Variants in NBEA observed in about 807,000 individuals in gnomAD.
NBEA encodes lysosomal-trafficking regulator 2.
NBEA carries 44 observed loss-of-function variants against 343.4 expected under a neutral mutation model. That is an observed-to-expected ratio of 0.13 (90% CI 0.10 to 0.16). The LOEUF is 0.16. Among genes scored for constraint, NBEA ranks in the 10% least tolerant of loss-of-function variants. The probability of loss-of-function intolerance (pLI) is 1.00; values close to 1 mark genes in which losing one functional copy is unlikely to be tolerated. For synonymous variants in NBEA, 1,175 were observed against 1,238.7 expected (o/e 0.95, Z 1.08); for missense variants, 2,555 against 3,631.3 (o/e 0.70, Z 7.62).
At chr13:34,961,059 A>G (rs1780302059) in intron 1 of NBEA, among the ~76,000 whole-genome samples, 1 of 152,128 alleles carries the variant, frequency 6.6e-6, no homozygotes, top group Non-Finnish European at 1.5e-5. Context: ...CATTTACAAC[A>G]GAGATTTGAA....
At chr13:35,358,885 C>T (rs1359890455) in intron 38 of NBEA, among the ~76,000 whole-genome samples, 7 of 152,136 alleles carry the variant, frequency 4.6e-5, no homozygotes, top group East Asian at 1.9e-4. Flanking sequence ...AGATGAGTAG[C>T]GCGTCTTTAG....
At chr13:35,290,290 A>T in intron 34 of NBEA, 99 bp from the exon 35 acceptor site, 1 of 743,432 alleles carries the variant, frequency 1.3e-6, no homozygotes, top group Admixed American at 2.3e-5. Flanking sequence ...TATTTAAAAG[A>T]AAGTTTTTTT....
At chr13:35,422,446 GTT>G (rs2044351501) in intron 38 of NBEA, among the ~76,000 whole-genome samples, 1 of 151,980 alleles carries the variant, frequency 6.6e-6, no homozygotes, top group African/African-American at 2.4e-5. Context: ...ATGGTTTCCA[GTT>G]TCATCCATGT....
chr13:35,374,479 T>C (rs190449723), intron 38 of NBEA, among the ~76,000 whole-genome samples: 146 of 152,308 alleles, frequency 9.6e-4, no homozygotes, highest in African/African-American at 3.4e-3. Flanking sequence ...AGTTGCTTGA[T>C]ACAGGGTTGT....
At chr13:35,124,884 A>G (rs1203388394) in intron 17 of NBEA, among the ~76,000 whole-genome samples, 1 of 152,010 alleles carries the variant, frequency 6.6e-6, no homozygotes, top group Non-Finnish European at 1.5e-5. Context: ...GCTGGGAGTG[A>G]AGAAGCATAT....
chr13:34,943,153 C>A, intron 1 of NBEA, 39 bp downstream of exon 1: 1 of 1,605,148 alleles, frequency 6.2e-7, no homozygotes, highest in East Asian at 2.3e-5. Flanking sequence ...TTCCCCAGTC[C>A]CCACATACAC....
intron 55 of NBEA, among the ~76,000 whole-genome samples, chr13:35,659,913 C>G (rs763760437): frequency 1.6e-4 from 24 of 152,096 alleles, no homozygotes; most frequent in South Asian, 2.1e-4. Context: ...AATTAATTTG[C>G]GCACTTTAAT....
chr13:35,169,059 G>A, intron 25 of NBEA, 64 bp downstream of exon 25: 6 of 1,287,464 alleles, frequency 4.7e-6, no homozygotes, highest in Non-Finnish European at 5.2e-6. Flanking sequence ...ACTTATTTAT[G>A]AAATTTTTGA....
Position 35,559,079 on chromosome 13 carries a change from C to T in NBEA, c.6922+3977C>T, listed in dbSNP as rs1477494822. On this transcript the variant is annotated intron_variant, in intron 44 of 58. Coordinates refer to ENST00000379939, the MANE Select transcript of NBEA (RefSeq NM_001385012.1). The stretch of plus-strand genomic sequence containing the variant: ...AATTTAATTCTTCCTTTGCTATCAT[C>T]CTGAAATTTTAAATAGGAGTGCCAG... 2.0e-5 allele frequency among the ~76,000 whole-genome samples: 3 copies of T among 152,156 alleles called. No homozygotes were observed. In the East Asian group the frequency reaches 5.8e-4, roughly 29 times the overall value.
chr13:35,647,836 A>G (rs1049092320), intron 51 of NBEA, among the ~76,000 whole-genome samples: 2 of 152,220 alleles, frequency 1.3e-5, no homozygotes, highest in Admixed American at 6.5e-5. Flanking sequence ...AAGTGCTGGG[A>G]TTACAGGTGT....
intron 38 of NBEA, among the ~76,000 whole-genome samples, chr13:35,355,961 A>G (rs373502293): frequency 2.6e-5 from 4 of 151,778 alleles, no homozygotes; most frequent in Admixed American, 2.6e-4. Flanking sequence ...TATTATTTTT[A>G]TTGTTTTGTT....
chr13:35,022,851 A>T (rs948111393), intron 1 of NBEA, among the ~76,000 whole-genome samples: 2 of 152,176 alleles, frequency 1.3e-5, no homozygotes, highest in African/African-American at 4.8e-5. Context: ...TAAATTACTC[A>T]GCATGTGATA....
intron 17 of NBEA, among the ~76,000 whole-genome samples, chr13:35,130,197 A>G (rs1244640175): frequency 1.3e-5 from 2 of 152,152 alleles, no homozygotes; most frequent in East Asian, 1.9e-4. Context: ...ATTCTGCTCA[A>G]TTTTACTGAG....
intron 40 of NBEA, among the ~76,000 whole-genome samples, chr13:35,468,101 G>GATTC (rs56137200): frequency 7.6e-6 from 1 of 131,702 alleles, no homozygotes; most frequent in African/African-American, 2.9e-5. Flanking sequence ...TCCTGAAAAT[G>GATTC]ATTTACACCC....
intron 38 of NBEA, among the ~76,000 whole-genome samples, chr13:35,364,636 T>G (rs13379026): frequency 0.026 from 3,959 of 151,864 alleles, 181 homozygotes; most frequent in African/African-American, 0.087. Context: ...TTAAGGGGGA[T>G]TGAAGATCAT....
intron 38 of NBEA, among the ~76,000 whole-genome samples, chr13:35,411,728 G>A (rs1594533303): frequency 6.6e-6 from 1 of 151,738 alleles, no homozygotes; most frequent in Non-Finnish European, 1.5e-5. Context: ...GAACTCTTGG[G>A]CTCAAGCAAT....
At chr13:35,527,627 C>T (rs1014318749) in intron 41 of NBEA, among the ~76,000 whole-genome samples, 8 of 152,228 alleles carry the variant, frequency 5.3e-5, no homozygotes, top group African/African-American at 1.9e-4. Flanking sequence ...CAGCAGTGCC[C>T]AGGCTCAGCC....
chr13:35,268,187 C>T (rs1490387114), intron 34 of NBEA, among the ~76,000 whole-genome samples: 4 of 151,936 alleles, frequency 2.6e-5, no homozygotes, highest in African/African-American at 7.2e-5. Flanking sequence ...AAAGAGAATT[C>T]GGGCATATAA....
intron 55 of NBEA, among the ~76,000 whole-genome samples, chr13:35,656,986 TA>T (rs1258468483): frequency 7.2e-5 from 11 of 152,202 alleles, no homozygotes; most frequent in Non-Finnish European, 1.5e-4. Context: ...GTGAGACAGC[TA>T]GGGGTGGAAA....
Sources: allele counts gnomAD v4.1 joint callset (sites outside exome capture counted in the v4.1 genomes callset), GRCh38; gene constraint gnomAD v4.1.1; transcripts MANE v1.5; gene names NCBI Gene and HGNC (gene_info 2026-07-23, HGNC 2026-07-21).